TBATA: variants seen among roughly 807,000 people sequenced by gnomAD.
TBATA encodes the protein protein TBATA.
A neutral mutation model predicts 38.7 loss-of-function variants in TBATA; 47 were observed. The observed-to-expected ratio is 1.21, with a 90% CI of 0.96 to 1.55. The LOEUF (loss-of-function observed/expected upper bound fraction) is 1.55, where lower values mean the gene tolerates loss of function less well. Among genes scored for constraint, TBATA ranks in the 40% most tolerant of loss-of-function variants. The pLI, the probability that TBATA is intolerant of heterozygous loss-of-function variation, is 0.00. For synonymous variants in TBATA, 183 were observed against 170.5 expected, an observed-to-expected ratio of 1.07 and a Z score of -0.57; for missense variants, 436 against 435.6, an observed-to-expected ratio of 1.00 and a Z score of -0.01.
chr10:70,782,817 C>T (rs1844420272), intron 3 of TBATA, among the ~76,000 whole-genome samples: 2 of 152,206 alleles, frequency 1.3e-5, no homozygotes, highest in African/African-American at 2.4e-5. Context: ...CCTGCCTGAT[C>T]GCTGTCTGCA....
chr10:70,775,173 G>C lies in TBATA; in HGVS notation c.775+16C>G. The C allele has an allele frequency of 6.2e-7, 1 of 1,607,776 alleles. No individual in the cohort carries two copies. The highest frequency in any genetic ancestry group is 8.5e-7 in the Non-Finnish European group (1 of 1,174,682). On this transcript the variant is annotated intron_variant, in intron 8 of 10. Transcript: ENST00000456372. ...GCAGCCTCCACTGAGACAGTGCTGC[G>C]GGGCTGTGTCCTCACCCTTGGGCGG... is the stretch of plus-strand genomic sequence containing the variant.
intron 4 of TBATA, 139 bp downstream of exon 4, chr10:70,781,662 T>C: frequency 1.2e-6 from 1 of 837,044 alleles, no homozygotes; most frequent in South Asian, 1.8e-5. Context: ...GGCTGGGTTC[T>C]TTGGCAGCCC....
At chr10:70,773,251 G>C (rs574833127) in intron 9 of TBATA, among the ~76,000 whole-genome samples, 1 of 152,142 alleles carries the variant, frequency 6.6e-6, no homozygotes, top group Non-Finnish European at 1.5e-5. Flanking sequence ...CCCTACCCCT[G>C]CTTCTTCTCA....
Position 70,774,338 on chromosome 10 carries a change from T to C in TBATA, c.795A>G (p.Gly265=), listed in dbSNP as rs771513454. Residue 265 remains glycine, a synonymous_variant, in exon 9 of 11, where the codon GGA becomes GGG. Coordinates refer to ENST00000456372, the MANE Select transcript of TBATA (RefSeq NM_001318241.2). ...GCTGAGCCACTGCTGTCTGCAGGAG[T>C]CCCAGAGCGAGGTCTTTTTCTGAAA... ...APPKEKDLAL[G]LLQTAVAQLL... is the part of the protein sequence containing the mutation. 1.9e-6 allele frequency: 3 copies of C among 1,599,530 alleles called. No homozygotes were observed. Among genetic ancestry groups the C allele is most frequent in the Non-Finnish European group, 2.6e-6 (3 of 1,174,012 alleles).
At chr10:70,774,436 T>C in intron 8 of TBATA, 79 bp from the exon 9 acceptor site, 1 of 1,411,498 alleles carries the variant, frequency 7.1e-7, no homozygotes, top group South Asian at 1.3e-5. Context: ...AAGCAGGGCC[T>C]CCATCCAGGG....
At chr10:70,778,815 T>C (rs1484620935) in intron 5 of TBATA, 179 bp from the exon 6 acceptor site, 5 of 672,634 alleles carry the variant, frequency 7.4e-6, no homozygotes, top group African/African-American at 1.8e-5. Flanking sequence ...CCATGGGTGG[T>C]GGTTGTGGCA....
chr10:70,779,711 C>T lies in TBATA; in HGVS notation c.309G>A (p.Arg103=). The T allele has an allele frequency of 6.5e-7, 1 of 1,537,038 alleles. No homozygotes were observed. The highest frequency in any genetic ancestry group is 8.7e-7 in the Non-Finnish European group (1 of 1,151,212). ...ACTCAGGCAAGGGGGCTGGAAAATC[C>T]CTGACGACACAGACAGGCTTCCCGG... ...DLTGKPVCVV[R]DFPAPLPEST... The change falls in exon 5 of 11, where the codon AGG becomes AGA. Residue 103 remains arginine (R), a synonymous_variant. Coordinates refer to ENST00000456372, the MANE Select transcript of TBATA (RefSeq NM_001318241.2).
At chr10:70,772,081 G>T in intron 10 of TBATA, 3 of 376,514 alleles carry the variant, frequency 8.0e-6, no homozygotes, top group Non-Finnish European at 1.6e-5. Context: ...AGAGGTGGGA[G>T]CTTTGCTGGT....
intron 4 of TBATA, among the ~76,000 whole-genome samples, chr10:70,780,264 G>A (rs577806262): frequency 1.7e-5 from 2 of 115,558 alleles, no homozygotes; most frequent in South Asian, 2.6e-4. Context: ...AGTGGGGGCC[G>A]TTTGCACTTG....
At chr10:70,772,410 C>T (rs920601007) in intron 10 of TBATA, 104 bp downstream of exon 10, 4 of 1,055,952 alleles carry the variant, frequency 3.8e-6, no homozygotes, top group South Asian at 1.3e-5. Flanking sequence ...TGAGCAGCAT[C>T]CTTGGGCAGG....
At position 70,784,457 on chromosome 10, in the gene TBATA, TG is replaced by T. The variant is rs564577244; in HGVS notation, c.-147+189del. Among the ~76,000 whole-genome samples, 8 of 152,284 alleles carry T rather than the reference TG, an allele frequency of 5.3e-5. No homozygotes were observed. The South Asian group carries it at 1.7e-3, about 32-fold the overall frequency. ...CTAGCCAAAGTGCTAGGGATGGGGT[TG>T]GGACAGGACATCAGTGCATTCTGAG... On this transcript the variant is annotated intron_variant, in intron 2 of 10. Transcript: ENST00000456372.
chr10:70,785,036 C>A (rs1844704515), intron 1 of TBATA, among the ~76,000 whole-genome samples: 1 of 152,164 alleles, frequency 6.6e-6, no homozygotes, highest in Admixed American at 6.5e-5. Flanking sequence ...GGGGTCATAA[C>A]CCACAGCGGC....
intron 7 of TBATA, chr10:70,776,462 C>T (rs1023527488): frequency 4.0e-5 from 18 of 453,770 alleles, no homozygotes; most frequent in African/African-American, 3.4e-4. Flanking sequence ...TATCACTTGG[C>T]AGGGCCTCGG....
At chr10:70,782,388 C>A in intron 3 of TBATA, 3 of 1,325,828 alleles carry the variant, frequency 2.3e-6, no homozygotes, top group Non-Finnish European at 3.0e-6. Flanking sequence ...AGCAAAGTCA[C>A]CTTATATACA....
Position 70,781,911 on chromosome 10 carries a change from A to G in TBATA, c.167T>C (p.Leu56Ser), listed in dbSNP as rs1187449873. 2 of 1,614,204 alleles carry G rather than the reference A, an allele frequency of 1.2e-6. No homozygotes were observed. Among genetic ancestry groups the G allele is most frequent in the Non-Finnish European group, 1.7e-6 (2 of 1,180,020 alleles). ...IVDFERIRRA[L>S]RTPKPQTPGT... ...AGGGGTTTGGGGCTTTGGGGTCCTCAATGCCCGGCGGATCCGCTCGAAATC... is the reference window on the plus strand; with the variant it reads ...AGGGGTTTGGGGCTTTGGGGTCCTCGATGCCCGGCGGATCCGCTCGAAATC... The change falls in exon 4 of 11, where the codon TTG becomes TCG. Residue 56 changes from leucine (L) to serine (S), a missense_variant. Transcript: ENST00000456372.
chr10:70,779,511 T>A, intron 5 of TBATA, 82 bp downstream of exon 5: 8 of 1,403,978 alleles, frequency 5.7e-6, no homozygotes, highest in Non-Finnish European at 6.5e-6. Context: ...GGCCCTTTCC[T>A]TCTGGGCACC....
chr10:70,775,212 C>T lies in TBATA; in HGVS notation c.752G>A (p.Trp251Ter). Reference protein sequence around the residue: ...ETDLLSAIQFWLLYAPPKEKD... With the variant: ...ETDLLSAIQF ...ACCCTTGGGCGGAGCGTAGAGCAGCCAGAACTGGATTGCGCTTAGCAAGTC... is the reference window on the plus strand; with the variant it reads ...ACCCTTGGGCGGAGCGTAGAGCAGCTAGAACTGGATTGCGCTTAGCAAGTC... Residue 251 changes from tryptophan (W) to a stop codon, truncating the protein, a stop_gained, in exon 8 of 11, where the codon TGG becomes TAG. Coordinates refer to ENST00000456372, the MANE Select transcript of TBATA (RefSeq NM_001318241.2). LOFTEE classifies it high-confidence loss of function. 6.2e-7 allele frequency: 1 copy of T among 1,614,090 alleles called. No homozygotes were observed. The highest frequency in any genetic ancestry group is 1.1e-5 in the South Asian group (1 of 91,084).
Position 70,782,714 on chromosome 10 carries a change from C to T in TBATA, c.41+625G>A, listed in dbSNP as rs1050711364. 7.8e-6 allele frequency: 7 copies of T among 896,148 alleles called. No homozygotes were observed. In the South Asian group the frequency reaches 2.6e-4, roughly 33 times the overall value. 55.5% of individuals were successfully genotyped at this position (896,148 alleles called of 1,614,324 possible). On this transcript the variant is annotated intron_variant, in intron 3 of 10. Transcript: ENST00000456372. ...GTCCTCTCTCCTCTACCCCACACCC[C>T]TCCCCTTCCTGAGGACGCTATGCAT...
chr10:70,782,386 C>T, intron 3 of TBATA: 2 of 1,328,870 alleles, frequency 1.5e-6, no homozygotes, highest in African/African-American at 3.0e-5. Context: ...GGAGCAAAGT[C>T]ACCTTATATA....
Sources: allele counts gnomAD v4.1 joint callset (sites outside exome capture counted in the v4.1 genomes callset), GRCh38; gene constraint gnomAD v4.1.1; transcripts MANE v1.5; gene names NCBI Gene and HGNC (gene_info 2026-07-23, HGNC 2026-07-21).